The following FGF9 variants were observed in gnomAD, a reference collection of about 807,000 sequenced individuals.
FGF9 encodes fibroblast growth factor 9 (glia-activating factor).
Under a neutral mutation model 19.9 loss-of-function variants are expected in FGF9, and 3 were observed. That is an observed-to-expected ratio of 0.15 (90% CI 0.07 to 0.39). The LOEUF (loss-of-function observed/expected upper bound fraction) is 0.39, where lower values mean the gene tolerates loss of function less well. FGF9 is among the 10% of genes least tolerant of loss of function. The probability of loss-of-function intolerance (pLI) is 1.00; values close to 1 mark genes in which losing one functional copy is unlikely to be tolerated. For synonymous variants in FGF9, 107 were observed against 106.9 expected (o/e 1.00, Z -0.01); for missense variants, 175 against 256.8 (o/e 0.68, Z 2.18).
chr13:21,694,215 G>A (rs1347386115), intron 2 of FGF9, among the ~76,000 whole-genome samples: 1 of 152,110 alleles, frequency 6.6e-6, no homozygotes, highest in Non-Finnish European at 1.5e-5. Context: ...GCCTCTACTA[G>A]GGACACTCTG....
At chr13:21,698,010 G>A (rs980056799) in intron 2 of FGF9, among the ~76,000 whole-genome samples, 40 of 152,184 alleles carry the variant, frequency 2.6e-4, no homozygotes, top group African/African-American at 7.9e-4. Context: ...GGGTTTCACC[G>A]TGTTAGCCAG....
chr13:21,672,219 A>G lies in FGF9; in HGVS notation c.277+30A>G. The G allele has an allele frequency of 6.2e-7, 1 of 1,613,404 alleles. No homozygotes were observed. The highest frequency in any genetic ancestry group is 8.5e-7 in the Non-Finnish European group (1 of 1,179,466). On this transcript the variant is annotated intron_variant, in intron 1 of 2. Coordinates refer to ENST00000382353, the MANE Select transcript of FGF9 (RefSeq NM_002010.3). This position sits in a 1 kb window ranked among gnomAD's most constrained non-coding sequence, Gnocchi z 4.2. ...GTATACCATTAACCCTTTAGTGTCC[A>G]TGAGATGACATGTTGAAATTATAAC... is the stretch of plus-strand genomic sequence containing the variant.
At chr13:21,700,015 GGT>G (rs3076108) in intron 2 of FGF9, among the ~76,000 whole-genome samples, 12,710 of 146,638 alleles carry the variant, frequency 0.087, 655 homozygotes, top group African/African-American at 0.13. Flanking sequence ...TTTGGGATGT[GGT>G]GTGTGTGTGT....
chr13:21,678,502 C>T (rs1297167644), intron 1 of FGF9, among the ~76,000 whole-genome samples: 1 of 152,166 alleles, frequency 6.6e-6, no homozygotes, highest in African/African-American at 2.4e-5. Flanking sequence ...TTGGCATAGA[C>T]TAAATGCTCA....
chr13:21,694,673 A>G (rs1307527915), intron 2 of FGF9, among the ~76,000 whole-genome samples: 1 of 152,148 alleles, frequency 6.6e-6, no homozygotes, highest in Non-Finnish European at 1.5e-5. Flanking sequence ...ATGGGGGAAA[A>G]ATGTTATATG....
At chr13:21,680,180 G>A (rs1427160654) in intron 1 of FGF9, among the ~76,000 whole-genome samples, 1 of 152,124 alleles carries the variant, frequency 6.6e-6, no homozygotes, top group Non-Finnish European at 1.5e-5. Context: ...AGCATTCCAT[G>A]CCTACTTTAA....
At chr13:21,686,778 T>C (rs746959713) in intron 2 of FGF9, among the ~76,000 whole-genome samples, 11 of 152,222 alleles carry the variant, frequency 7.2e-5, no homozygotes, top group Non-Finnish European at 1.5e-4. Context: ...AACACGCACA[T>C]GCAGTGTCTA....
chr13:21,690,649 T>C (rs1872268725), intron 2 of FGF9, among the ~76,000 whole-genome samples: 2 of 152,194 alleles, frequency 1.3e-5, no homozygotes, highest in African/African-American at 4.8e-5. Context: ...CCCAAATCAA[T>C]ATTTGTCTGA....
At chr13:21,687,348 G>A (rs1028507916) in intron 2 of FGF9, among the ~76,000 whole-genome samples, 2 of 152,016 alleles carry the variant, frequency 1.3e-5, no homozygotes, top group African/African-American at 4.8e-5. Flanking sequence ...ATCCTATATC[G>A]ACTTAGGTTA....
intron 2 of FGF9, among the ~76,000 whole-genome samples, chr13:21,682,535 T>C (rs939472521): frequency 6.6e-6 from 1 of 152,184 alleles, no homozygotes; most frequent in African/African-American, 2.4e-5. Context: ...AAGTATAGGA[T>C]TGACTTTAGC....
intron 1 of FGF9, among the ~76,000 whole-genome samples, chr13:21,677,798 T>C (rs1871950441): frequency 6.6e-6 from 1 of 152,146 alleles, no homozygotes; most frequent in South Asian, 2.1e-4. Context: ...TGCGGAGAAA[T>C]GGGTGGTGGT....
At chr13:21,686,219 G>T (rs773088637) in intron 2 of FGF9, among the ~76,000 whole-genome samples, 17 of 152,106 alleles carry the variant, frequency 1.1e-4, no homozygotes, top group South Asian at 4.2e-4. Context: ...AGTAGAGATG[G>T]GGTTTCACCA....
intron 2 of FGF9, among the ~76,000 whole-genome samples, chr13:21,693,193 G>A (rs1872330955): frequency 6.6e-6 from 1 of 152,188 alleles, no homozygotes; most frequent in Admixed American, 6.5e-5. Flanking sequence ...TTGAGGAGGG[G>A]AAGGGCCATT....
At chr13:21,692,715 C>G (rs1020030339) in intron 2 of FGF9, among the ~76,000 whole-genome samples, 3 of 152,200 alleles carry the variant, frequency 2.0e-5, no homozygotes, top group Non-Finnish European at 4.4e-5. Context: ...AAATGCTGTA[C>G]TCACACGAGA....
intron 2 of FGF9, among the ~76,000 whole-genome samples, chr13:21,700,860 T>G (rs1872522736): frequency 6.6e-6 from 1 of 152,218 alleles, no homozygotes; most frequent in South Asian, 2.1e-4. Context: ...TAGTTAAATT[T>G]GTAGGGTTAG....
At chr13:21,700,796 G>A (rs1204726811) in intron 2 of FGF9, among the ~76,000 whole-genome samples, 3 of 152,188 alleles carry the variant, frequency 2.0e-5, no homozygotes, top group Non-Finnish European at 4.4e-5. Context: ...AGTTTAACTA[G>A]AAAACGTTTA....
chr13:21,673,666 G>A (rs1871827476), intron 1 of FGF9, among the ~76,000 whole-genome samples: 1 of 152,086 alleles, frequency 6.6e-6, no homozygotes. Flanking sequence ...CCTGCCTAGC[G>A]TTCGATACCA....
intron 2 of FGF9, among the ~76,000 whole-genome samples, chr13:21,692,289 CT>C (rs973770775): frequency 1.3e-5 from 2 of 152,112 alleles, no homozygotes; most frequent in African/African-American, 4.8e-5. Flanking sequence ...CTTTTCCCCC[CT>C]TCTTTCGTTT....
At chr13:21,695,069 C>CGT (rs142262294) in intron 2 of FGF9, among the ~76,000 whole-genome samples, 1,745 of 143,394 alleles carry the variant, frequency 0.012, 26 homozygotes, top group African/African-American at 0.04. Context: ...AAGATGTGTG[C>CGT]GTGTGTGTGT....
Sources: gnomAD v4.1 joint callset for allele counts (sites outside exome capture counted in the v4.1 genomes callset) on GRCh38, gnomAD v4.1.1 for gene constraint, Gnocchi (gnomAD v3.1) non-coding constraint, MANE v1.5 for transcripts, NCBI Gene and HGNC (gene_info 2026-07-23, HGNC 2026-07-21) for gene names.